KCNH7: variants seen among roughly 807,000 people sequenced by gnomAD.
KCNH7 encodes the protein potassium voltage-gated channel subfamily H member 7.
In KCNH7, 49 loss-of-function variants were observed where a neutral mutation model predicts 120.8. That is an observed-to-expected ratio of 0.41 (90% CI 0.32 to 0.51). KCNH7 has a LOEUF of 0.51. Among genes scored for constraint, KCNH7 ranks in the 20% least tolerant of loss-of-function variants. The probability of loss-of-function intolerance (pLI) is 0.38; values close to 1 mark genes in which losing one functional copy is unlikely to be tolerated. For missense variants in KCNH7, 1,097 were observed against 1,446.6 expected (o/e 0.76, Z 3.92); for synonymous variants, 547 against 516.1 (o/e 1.06, Z -0.81).
chr2:162,768,926 T>C (rs1682932397), intron 2 of KCNH7: 1 of 152,194 alleles, frequency 6.6e-6, no homozygotes, highest in South Asian at 2.1e-4. Context: ...ACAGCTTCTT[T>C]TGTTTGTACA....
rs755051843 is a variant in KCNH7 at position 162,470,642 on chromosome 2, C to G, written c.1129-24199G>C. Among the ~76,000 whole-genome samples the G allele has an allele frequency of 7.9e-5, 12 of 151,200 alleles. No homozygotes were observed. The South Asian group carries it at 1.0e-3, about 13-fold the overall frequency. On this transcript the variant is annotated intron_variant, in intron 6 of 15. Coordinates refer to ENST00000332142, the MANE Select transcript of KCNH7 (RefSeq NM_033272.4). ...GAGGTGGGGGGGTCAGCCCCCCGCCCGGCCAGCCGCCCCGTCCGGGAGGTG... is the reference window on the plus strand; with the variant it reads ...GAGGTGGGGGGGTCAGCCCCCCGCCGGGCCAGCCGCCCCGTCCGGGAGGTG...
chr2:162,727,930 A>C (rs1328642025), intron 2 of KCNH7, among the ~76,000 whole-genome samples: 4 of 152,174 alleles, frequency 2.6e-5, no homozygotes, highest in African/African-American at 9.7e-5. Context: ...AGTTTAGCAA[A>C]ATATATGCAA....
intron 2 of KCNH7, among the ~76,000 whole-genome samples, chr2:162,557,968 A>G (rs1692916738): frequency 6.6e-6 from 1 of 152,182 alleles, no homozygotes; most frequent in Non-Finnish European, 1.5e-5. Flanking sequence ...AAAAGAGGGA[A>G]GATAATCCTT....
At chr2:162,512,616 T>A in intron 5 of KCNH7, 38 bp downstream of exon 5, 1 of 1,598,446 alleles carries the variant, frequency 6.3e-7, no homozygotes, top group South Asian at 1.1e-5. Flanking sequence ...AAGGGGCAGG[T>A]TGAACATCAG....
intron 2 of KCNH7, among the ~76,000 whole-genome samples, chr2:162,638,982 T>A (rs1684055859): frequency 6.6e-6 from 1 of 152,154 alleles, no homozygotes; most frequent in Admixed American, 6.6e-5. Flanking sequence ...TTCTTTGTTA[T>A]CGGGGATGCT....
At chr2:162,426,592 A>G (rs1687872745) in intron 8 of KCNH7, among the ~76,000 whole-genome samples, 1 of 152,142 alleles carries the variant, frequency 6.6e-6, no homozygotes, top group Non-Finnish European at 1.5e-5. Flanking sequence ...CCACGCCTTA[A>G]TTCTGATATG....
chr2:162,468,027 T>C (rs1689364799), intron 6 of KCNH7, among the ~76,000 whole-genome samples: 1 of 152,186 alleles, frequency 6.6e-6, no homozygotes, highest in Admixed American at 6.5e-5. Flanking sequence ...GGGTTCATCA[T>C]AGGAATGTAG....
intron 2 of KCNH7, among the ~76,000 whole-genome samples, chr2:162,642,014 G>A (rs976772244): frequency 1.3e-5 from 2 of 152,136 alleles, no homozygotes; most frequent in African/African-American, 4.8e-5. Context: ...TAAAGAAGCA[G>A]GACAACGATC....
At chr2:162,620,181 TTTG>T (rs1220675946) in intron 2 of KCNH7, among the ~76,000 whole-genome samples, 1 of 150,490 alleles carries the variant, frequency 6.6e-6, no homozygotes, top group East Asian at 1.9e-4. Context: ...GATAGATATT[TTTG>T]TTATGTATCC....
At chr2:162,492,395 C>T (rs1206691875) in intron 6 of KCNH7, among the ~76,000 whole-genome samples, 1 of 152,176 alleles carries the variant, frequency 6.6e-6, no homozygotes, top group Non-Finnish European at 1.5e-5. Context: ...ACCTTGTAAC[C>T]ACGTGGCAGT....
At chr2:162,543,301 C>G (rs1032313985) in intron 2 of KCNH7, among the ~76,000 whole-genome samples, 18 of 151,728 alleles carry the variant, frequency 1.2e-4, no homozygotes, top group Non-Finnish European at 2.4e-4. Flanking sequence ...CACACACACA[C>G]ACAAATACAA....
intron 6 of KCNH7, among the ~76,000 whole-genome samples, chr2:162,498,927 C>T (rs1236063697): frequency 6.6e-6 from 1 of 152,040 alleles, no homozygotes; most frequent in East Asian, 1.9e-4. Context: ...TAATATGGCC[C>T]AATAAACTTC....
In KCNH7 at chr2:162,609,052, C is replaced by G. The variant is rs1182728561; in HGVS notation, c.308-71972G>C. 2.6e-5 allele frequency among the ~76,000 whole-genome samples: 4 copies of G among 152,176 alleles called. No homozygotes were observed. The South Asian group carries it at 6.2e-4, about 24-fold the overall frequency. On this transcript the variant is annotated intron_variant, in intron 2 of 15. Coordinates refer to ENST00000332142, the MANE Select transcript of KCNH7 (RefSeq NM_033272.4). ...AAGTACAACACACAGACACCGCCAGCCCCCCAACACACACACACTCTTCAC... is the reference window on the plus strand; with the variant it reads ...AAGTACAACACACAGACACCGCCAGGCCCCCAACACACACACACTCTTCAC...
intron 7 of KCNH7, among the ~76,000 whole-genome samples, chr2:162,444,160 G>A (rs908150100): frequency 1.3e-5 from 2 of 152,032 alleles, no homozygotes; most frequent in Admixed American, 1.3e-4. Flanking sequence ...TGTGTTTGTT[G>A]GTTTGTTTAT....
intron 6 of KCNH7, among the ~76,000 whole-genome samples, chr2:162,476,327 A>G (rs1558966298): frequency 6.6e-6 from 1 of 152,204 alleles, no homozygotes; most frequent in Non-Finnish European, 1.5e-5. Context: ...GGCTGTATCA[A>G]AATATTAATA....
chr2:162,686,865 T>C (rs1685910325), intron 2 of KCNH7, among the ~76,000 whole-genome samples: 1 of 152,116 alleles, frequency 6.6e-6, no homozygotes, highest in Admixed American at 6.6e-5. Context: ...AACTGCTTCA[T>C]TGAAGATGAA....
chr2:162,823,238 GA>G lies in KCNH7; in HGVS notation c.307+13298del, dbSNP rs11400511. Among the ~76,000 whole-genome samples, 369 of 150,386 alleles carry G rather than the reference GA, an allele frequency of 2.5e-3. 2 individuals carry two copies. The highest frequency in any genetic ancestry group is 8.7e-3 in the African/African-American group (352 of 40,486). On this transcript the variant is annotated intron_variant, in intron 2 of 15. Coordinates refer to ENST00000332142, the MANE Select transcript of KCNH7 (RefSeq NM_033272.4). ...TATGTCTTCGGATATGCTAAAAATT[GA>G]AAAAAAAAGATTTTAGAAGAGTATA...
At position 162,660,096 on chromosome 2, in the gene KCNH7, C is replaced by T. The variant is rs181003435; in HGVS notation, c.308-123016G>A. Among the ~76,000 whole-genome samples, 8 of 151,978 alleles carry T rather than the reference C, an allele frequency of 5.3e-5. No homozygotes were observed. The East Asian group carries it at 1.4e-3, about 26-fold the overall frequency. On this transcript the variant is annotated intron_variant, in intron 2 of 15. Coordinates refer to ENST00000332142, the MANE Select transcript of KCNH7 (RefSeq NM_033272.4). The stretch of plus-strand genomic sequence containing the variant: ...CCAGCTTTTTGTTTCATCGGTTTTC[C>T]TCTATTAATTTCCTATTTTCATTTC...
Position 162,380,015 on chromosome 2 carries a change from G to C in KCNH7, c.2969C>G (p.Thr990Ser). ...DKRSHSCKDI[T>S]DMRSWERENA... ...TTCTCGTTCCCAGCTTCGCATGTCAGTGATATCTGTGGAAAATAGCAAGAT... is the reference window on the plus strand; with the variant it reads ...TTCTCGTTCCCAGCTTCGCATGTCACTGATATCTGTGGAAAATAGCAAGAT... Residue 990 changes from threonine to serine, a missense_variant, in exon 14 of 16, where the codon ACT becomes AGT. Thr to Ser is a moderately conservative substitution (Grantham distance 58). Around this residue, in one of 8 missense-constraint regions of KCNH7, gnomAD observed 406 missense variants for 410.5 expected, o/e 0.99. Coordinates refer to ENST00000332142, the MANE Select transcript of KCNH7 (RefSeq NM_033272.4). 1 of 1,613,870 alleles carries C rather than the reference G, an allele frequency of 6.2e-7. No individual in the cohort carries two copies. The highest frequency in any genetic ancestry group is 8.5e-7 in the Non-Finnish European group (1 of 1,179,838).
Sources: gnomAD v4.1 joint callset for allele counts (sites outside exome capture counted in the v4.1 genomes callset) on GRCh38, gnomAD v4.1.1 for gene constraint, gnomAD v4.1.1 regional missense constraint, MANE v1.5 for transcripts, NCBI Gene and HGNC (gene_info 2026-07-23, HGNC 2026-07-21) for gene names.